SPATA6L: variants seen among roughly 807,000 people sequenced by gnomAD.
The protein encoded by SPATA6L is spermatogenesis associated 6-like protein.
A neutral mutation model predicts 49.2 loss-of-function variants in SPATA6L; 68 were observed. That is an observed-to-expected ratio of 1.38 (90% CI 1.14 to 1.69). SPATA6L has a LOEUF of 1.69. Ranked by LOEUF, SPATA6L falls within the 40% of genes most tolerant of loss-of-function variation. The probability of loss-of-function intolerance (pLI) is 0.00; values close to 1 mark genes in which losing one functional copy is unlikely to be tolerated. For missense variants in SPATA6L, 668 were observed against 464.3 expected (o/e 1.44, Z -4.03); for synonymous variants, 198 against 165.7 (o/e 1.19, Z -1.50).
At chr9:4,655,290 G>A (rs1379788529) in intron 3 of SPATA6L, among the ~76,000 whole-genome samples, 3 of 152,128 alleles carry the variant, frequency 2.0e-5, no homozygotes, top group African/African-American at 7.2e-5. Context: ...CAATCACAAA[G>A]GAGCACATGT....
chr9:4,618,161 A>G, intron 8 of SPATA6L, 51 bp from the exon 9 acceptor site: 5 of 1,523,632 alleles, frequency 3.3e-6, no homozygotes, highest in Non-Finnish European at 4.5e-6. Flanking sequence ...TGTTTGCTTA[A>G]TTTAGAGCTG....
downstream of SPATA6L, among the ~76,000 whole-genome samples, chr9:4,598,228 T>C (rs1822469664): frequency 6.6e-6 from 1 of 151,968 alleles, no homozygotes. Context: ...CCATGAAACA[T>C]GCCCATAAAA....
intron 3 of SPATA6L, chr9:4,646,374 A>G: frequency 1.7e-6 from 1 of 594,978 alleles, no homozygotes; most frequent in South Asian, 3.3e-5. Flanking sequence ...AGACACATAA[A>G]GTTGTATGTT....
chr9:4,651,667 A>T (rs1836893147), intron 3 of SPATA6L, among the ~76,000 whole-genome samples: 1 of 148,376 alleles, frequency 6.7e-6, no homozygotes, highest in South Asian at 2.2e-4. Context: ...AATATCTAAA[A>T]ATCACATATC....
chr9:4,634,431 T>G (rs990673412), intron 4 of SPATA6L, among the ~76,000 whole-genome samples: 9 of 152,206 alleles, frequency 5.9e-5, no homozygotes, highest in Admixed American at 1.3e-4. Context: ...TAGGACAACC[T>G]TTAATGAATG....
intron 1 of SPATA6L, among the ~76,000 whole-genome samples, 172 bp downstream of exon 1, chr9:4,666,040 T>C (rs953645705): frequency 1.4e-5 from 2 of 144,698 alleles, no homozygotes; most frequent in Non-Finnish European, 3.0e-5. Context: ...AATTAAAGGT[T>C]AGGAAGTCAG....
Position 4,662,102 on chromosome 9 carries a change from G to A in SPATA6L, c.40-66C>T. On this transcript the variant is annotated intron_variant, in intron 1 of 11. Transcript: ENST00000682582. This position sits in a 1 kb window ranked among gnomAD's most constrained non-coding sequence, Gnocchi z 4.9. ...GACTTTGCTTTGTTTTGTTACACGGGGCTCTATTTCTCTTAAGCTCCTACA... is the reference window on the plus strand; with the variant it reads ...GACTTTGCTTTGTTTTGTTACACGGAGCTCTATTTCTCTTAAGCTCCTACA... The A allele has an allele frequency of 6.3e-7, 1 of 1,579,346 alleles. No homozygotes were observed. Among genetic ancestry groups the A allele is most frequent in the Non-Finnish European group, 8.6e-7 (1 of 1,162,432 alleles).
In SPATA6L at chr9:4,600,483, C is replaced by CAGAGAAAGAGAGAGAGAGAGAG. The variant is rs1822948715; in HGVS notation, c.*327_*328insCTCTCTCTCTCTCTCTTTCTCT. ...TTTGAGAGAGAGAGACAGAGAGAGC[C>CAGAGAAAGAGAGAGAGAGAGAG]AGAGAGAGCCAGAGAGAGAGAGAGG... On this transcript the variant is annotated 3_prime_UTR_variant, in exon 12 of 12. Coordinates refer to ENST00000682582, the MANE Select transcript of SPATA6L (RefSeq NM_001353486.2). 5.1e-5 allele frequency: 1 copy of CAGAGAAAGAGAGAGAGAGAGAG among 19,440 alleles called. No homozygotes were observed. Among genetic ancestry groups the CAGAGAAAGAGAGAGAGAGAGAG allele is most frequent in the Admixed American group, 5.0e-4 (1 of 2,006 alleles). The allele number at this position is 19,440 out of a possible 1,614,324, so 1.2% of individuals were successfully genotyped here.
chr9:4,649,932 G>A (rs779708841), intron 3 of SPATA6L, among the ~76,000 whole-genome samples: 1 of 152,172 alleles, frequency 6.6e-6, no homozygotes, highest in Non-Finnish European at 1.5e-5. Flanking sequence ...TGTTCTTACA[G>A]ATGTGACCCA....
chr9:4,648,568 CGG>C (rs1835996760), intron 3 of SPATA6L, among the ~76,000 whole-genome samples: 1 of 151,694 alleles, frequency 6.6e-6, no homozygotes, highest in South Asian at 2.1e-4. Context: ...GGCGTGGTGG[CGG>C]GAGCCTGTGG....
rs879209899 is a variant in SPATA6L at position 4,600,134 on chromosome 9, C to A, written c.*677G>T. Among the ~76,000 whole-genome samples, 1 of 152,136 alleles carries A rather than the reference C, an allele frequency of 6.6e-6. No homozygotes were observed. The highest frequency in any genetic ancestry group is 1.5e-5 in the Non-Finnish European group (1 of 68,030). On this transcript the variant is annotated 3_prime_UTR_variant, in exon 12 of 12. Transcript: ENST00000682582. ...ATTTGAGGAAGGTTTTGTTCCTCATCTAAATTTACAAAGAATTGCTGGAAC... is the reference window on the plus strand; with the variant it reads ...ATTTGAGGAAGGTTTTGTTCCTCATATAAATTTACAAAGAATTGCTGGAAC...
At chr9:4,615,373 A>C (rs1053847454) in intron 9 of SPATA6L, among the ~76,000 whole-genome samples, 2 of 152,158 alleles carry the variant, frequency 1.3e-5, no homozygotes, top group African/African-American at 4.8e-5. Flanking sequence ...ATTGAGTATC[A>C]TTCCTGCTTT....
At chr9:4,637,917 G>C (rs1016635481) in intron 3 of SPATA6L, among the ~76,000 whole-genome samples, 1 of 152,118 alleles carries the variant, frequency 6.6e-6, no homozygotes, top group African/African-American at 2.4e-5. Flanking sequence ...TTCTCTGAAA[G>C]CTTTTCCAAC....
chr9:4,661,749 T>TCAAGG lies in SPATA6L; in HGVS notation c.177+149_177+150insCCTTG, dbSNP rs1563738669. ...AGACCTGCATTACAAAAGCAAGTGTTCCGACTGCGGTTTTGCATTGTGCTG... is the reference window on the plus strand; with the variant it reads ...AGACCTGCATTACAAAAGCAAGTGTTCAAGGCCGACTGCGGTTTTGCATTGTGCTG... On this transcript the variant is annotated intron_variant, in intron 2 of 11. Transcript: ENST00000682582. 72 of 794,964 alleles carry TCAAGG rather than the reference T, an allele frequency of 9.1e-5. No individual in the cohort carries two copies. In the African/African-American group the frequency reaches 1.2e-3, roughly 13 times the overall value. 49.2% of individuals were successfully genotyped at this position (794,964 alleles called of 1,614,324 possible). A position where few individuals can be genotyped will look rare whatever the true frequency, so the allele number is the denominator to read the frequency against.
chr9:4,635,125 G>A, intron 4 of SPATA6L, 150 bp downstream of exon 4: 2 of 660,640 alleles, frequency 3.0e-6, no homozygotes, highest in East Asian at 3.3e-5. Context: ...AGTATAATTT[G>A]GTACCTTGAG....
At chr9:4,632,460 G>A (rs1831816240) in intron 4 of SPATA6L, among the ~76,000 whole-genome samples, 1 of 151,958 alleles carries the variant, frequency 6.6e-6, no homozygotes, top group Non-Finnish European at 1.5e-5. Context: ...GCCAGGCGTG[G>A]TGGTGAGTGC....
At chr9:4,627,851 A>G (rs1222863285) in intron 5 of SPATA6L, 11 of 1,271,086 alleles carry the variant, frequency 8.7e-6, no homozygotes, top group Non-Finnish European at 1.1e-5. Context: ...AAGATTTGGA[A>G]TCAACCTAAG....
chr9:4,608,785 T>C (rs1204212817), intron 9 of SPATA6L, among the ~76,000 whole-genome samples: 2 of 151,164 alleles, frequency 1.3e-5, no homozygotes, highest in African/African-American at 4.9e-5. Context: ...AGGCAAGAAA[T>C]AACTAAAATC....
rs1467692210 is a variant in SPATA6L at position 4,662,540 on chromosome 9, C to T, written c.40-504G>A. ...GCGCCACGGCCGTGGACCCCACCTGCGCCCGGCTCCGTGCATCGGAGAGCC... is the reference window on the plus strand; with the variant it reads ...GCGCCACGGCCGTGGACCCCACCTGTGCCCGGCTCCGTGCATCGGAGAGCC... On this transcript the variant is annotated intron_variant, in intron 1 of 11. Transcript: ENST00000682582. The surrounding 1 kb of genome is among the most constrained non-coding windows in gnomAD (Gnocchi z 4.9). 1.3e-5 allele frequency: 21 copies of T among 1,567,950 alleles called. No individual in the cohort carries two copies. The highest frequency in any genetic ancestry group is 1.8e-5 in the Non-Finnish European group (21 of 1,166,634).
Sources: gnomAD v4.1 joint callset for allele counts (sites outside exome capture counted in the v4.1 genomes callset) on GRCh38, gnomAD v4.1.1 for gene constraint, Gnocchi (gnomAD v3.1) non-coding constraint, MANE v1.5 for transcripts, NCBI Gene and HGNC (gene_info 2026-07-23, HGNC 2026-07-21) for gene names.